ITPR3: variants seen among roughly 807,000 people sequenced by gnomAD.
ITPR3 encodes the protein inositol 1,4,5-trisphosphate receptor type 3, also known as inositol 1,4,5-trisphosphate-gated calcium channel ITPR3.
A neutral mutation model predicts 293.2 loss-of-function variants in ITPR3; 173 were observed. The ratio of observed to expected loss-of-function variants is 0.59; its 90% CI spans 0.52 to 0.67. The LOEUF (loss-of-function observed/expected upper bound fraction) is 0.67, where lower values mean the gene tolerates loss of function less well. Among genes scored for constraint, ITPR3 ranks in the 30% least tolerant of loss-of-function variants. ITPR3 has a pLI of 0.00. For synonymous variants in ITPR3, 1,295 were observed against 1,444.4 expected (o/e 0.90, Z 2.35); for missense variants, 2,796 against 3,592.1 (o/e 0.78, Z 5.66).
intron 42 of ITPR3, 73 bp from the exon 43 acceptor site, chr6:33,686,336 G>A: frequency 6.3e-7 from 1 of 1,594,792 alleles, no homozygotes; most frequent in Non-Finnish European, 8.6e-7. Flanking sequence ...GGCAGGGAGA[G>A]AGGCTGAGGT....
In ITPR3 at chr6:33,683,533, T is replaced by C; in HGVS notation, c.4788+136T>C. ...CACTTCCAGGAAGGGGCTGGTTGGC[T>C]TCTCTACACTCTGGGGCTGCTAAGG... On this transcript the variant is annotated intron_variant, in intron 35 of 57. Transcript: ENST00000605930. This position sits in a 1 kb window ranked among gnomAD's most constrained non-coding sequence, Gnocchi z 4.5. 2 of 777,054 alleles carry C rather than the reference T, an allele frequency of 2.6e-6. No individual in the cohort carries two copies. Among genetic ancestry groups the C allele is most frequent in the South Asian group, 4.4e-5 (2 of 44,972 alleles). 48.1% of individuals were successfully genotyped at this position (777,054 alleles called of 1,614,324 possible).
chr6:33,692,996 GC>G lies in ITPR3; in HGVS notation c.7624+106del. The G allele has an allele frequency of 8.4e-7, 1 of 1,186,558 alleles. No homozygotes were observed. 73.5% of individuals were successfully genotyped at this position (1,186,558 alleles called of 1,614,324 possible). A position where few individuals can be genotyped will look rare whatever the true frequency, so the allele number is the denominator to read the frequency against. The stretch of plus-strand genomic sequence containing the variant: ...GCCCTTCCTGCCCTGGGGAACCCTG[GC>G]CCGGAGCTGATGACTTGATGCATTT... On this transcript the variant is annotated intron_variant, in intron 55 of 57. Coordinates refer to ENST00000605930, the MANE Select transcript of ITPR3 (RefSeq NM_002224.4). The surrounding 1 kb of genome is among the most constrained non-coding windows in gnomAD (Gnocchi z 4.2).
At position 33,683,221 on chromosome 6, in the gene ITPR3, A is replaced by G; in HGVS notation, c.4612A>G (p.Ile1538Val). Residue 1538 changes from isoleucine to valine, a missense_variant, in exon 35 of 58, where the codon ATC becomes GTC. Physicochemically the swap from Ile to Val is conservative, Grantham distance 29. Around this residue, in one of 8 missense-constraint regions of ITPR3, gnomAD observed 704 missense variants for 797.5 expected, o/e 0.88. Coordinates refer to ENST00000605930, the MANE Select transcript of ITPR3 (RefSeq NM_002224.4). The surrounding 1 kb of genome is among the most constrained non-coding windows in gnomAD (Gnocchi z 4.5). ...TLAMVAKGRAILLPMDLDAHI... is the reference protein window; with the variant it reads ...TLAMVAKGRAVLLPMDLDAHI... ...TTCCCACCCAGCCAAGGGCCGGGCC[A>G]TCTTGCTGCCCATGGACCTGGATGC... 1 of 1,536,406 alleles carries G rather than the reference A, an allele frequency of 6.5e-7. No homozygotes were observed. The highest frequency in any genetic ancestry group is 1.2e-5 in the South Asian group (1 of 82,090).
Position 33,655,754 on chromosome 6 carries a change from G to T in ITPR3, c.161-12G>T. 6.2e-7 allele frequency: 1 copy of T among 1,613,894 alleles called. No individual in the cohort carries two copies. Among genetic ancestry groups the T allele is most frequent in the Non-Finnish European group, 8.5e-7 (1 of 1,179,918 alleles). Reference sequence around the variant, plus strand: ...GAATCATTCCCCTCACCCCCAACCTGCCCCACCACAGACTGCCTCTTCAAG... The same window carrying T: ...GAATCATTCCCCTCACCCCCAACCTTCCCCACCACAGACTGCCTCTTCAAG... On this transcript the variant is annotated splice_polypyrimidine_tract_variant and intron_variant, in intron 2 of 57. Transcript: ENST00000605930. This position sits in a 1 kb window ranked among gnomAD's most constrained non-coding sequence, Gnocchi z 4.9.
intron 2 of ITPR3, among the ~76,000 whole-genome samples, chr6:33,643,800 G>A (rs1446828341): frequency 6.6e-6 from 1 of 152,138 alleles, no homozygotes; most frequent in Non-Finnish European, 1.5e-5. Flanking sequence ...ATGACTGGAT[G>A]CCCCCTTCCC....
At position 33,662,695 on chromosome 6, in the gene ITPR3, G is replaced by A. The variant is rs2296340; in HGVS notation, c.858+21G>A. The A allele has an allele frequency of 0.11, 170,347 of 1,602,502 alleles. 10,029 individuals carry two copies. The highest frequency in any genetic ancestry group is 0.12 in the Non-Finnish European group (142,413 of 1,179,478). ...TGGAGGTCAGAAAAGCCCTGCTTCT[G>A]GCACCCCGGACTCAGCCTTGGATGC... On this transcript the variant is annotated intron_variant, in intron 8 of 57. Transcript: ENST00000605930.
intron 1 of ITPR3, among the ~76,000 whole-genome samples, chr6:33,628,698 T>C (rs1177572148): frequency 6.6e-6 from 1 of 152,122 alleles, no homozygotes. Flanking sequence ...GAGGCTTCAG[T>C]GAGGGAGTAA....
intron 28 of ITPR3, 92 bp downstream of exon 28, chr6:33,677,721 C>T: frequency 6.7e-7 from 1 of 1,487,992 alleles, no homozygotes; most frequent in African/African-American, 1.4e-5. Flanking sequence ...CAGGCAACCT[C>T]TCCCAGCCTC....
At chr6:33,634,428 A>G (rs955558695) in intron 1 of ITPR3, among the ~76,000 whole-genome samples, 1 of 151,904 alleles carries the variant, frequency 6.6e-6, no homozygotes, top group Non-Finnish European at 1.5e-5. Flanking sequence ...CTGCCTCCCA[A>G]GTCCTCACTC....
intron 2 of ITPR3, among the ~76,000 whole-genome samples, chr6:33,644,871 C>A (rs867695362): frequency 2.6e-5 from 4 of 151,412 alleles, no homozygotes; most frequent in East Asian, 2.0e-4. Context: ...ATCATGTTGG[C>A]CAGGCTGGTC....
rs1025509918 is a variant in ITPR3, at chr6:33,672,448, G to C, written c.2928+220G>C. 2.0e-5 allele frequency among the ~76,000 whole-genome samples: 3 copies of C among 152,188 alleles called. No individual in the cohort carries two copies. The highest frequency in any genetic ancestry group is 7.2e-5 in the African/African-American group (3 of 41,430). ...AAGTGCACATTCTCGGTTGTGCGCA[G>C]TGACTCACGCCTGTAATCCCAGTGC... On this transcript the variant is annotated intron_variant, in intron 22 of 57. Transcript: ENST00000605930. The surrounding 1 kb of genome is among the most constrained non-coding windows in gnomAD (Gnocchi z 5.0).
rs1441619777 is a variant in ITPR3 at position 33,658,899 on chromosome 6, G to A, written c.528+71G>A. On this transcript the variant is annotated intron_variant, in intron 5 of 57. Coordinates refer to ENST00000605930, the MANE Select transcript of ITPR3 (RefSeq NM_002224.4). This position sits in a 1 kb window ranked among gnomAD's most constrained non-coding sequence, Gnocchi z 6.1. ...GGGCTTCTGTAGGGTCTTCGGTGTG[G>A]GGACTGGATAAGGGCATGCCCATTT... 2 of 1,603,292 alleles carry A rather than the reference G, an allele frequency of 1.2e-6. No individual in the cohort carries two copies. The highest frequency in any genetic ancestry group is 1.7e-6 in the Non-Finnish European group (2 of 1,172,424).
At position 33,678,482 on chromosome 6, in the gene ITPR3, C is replaced by G; in HGVS notation, c.3710C>G (p.Ala1237Gly). ...CACCAGTTCCTGCAGAAGTTCTGTG[C>G]AGGGAACCCCGGCAACCAGGCCCTG... Reference protein sequence around the residue: ...YTHQFLQKFCAGNPGNQALLH... With the variant: ...YTHQFLQKFCGGNPGNQALLH... The change falls in exon 29 of 58, where the codon GCA becomes GGA. Residue 1237 changes from alanine to glycine, a missense_variant. Physicochemically the swap from Ala to Gly is moderately conservative, Grantham distance 60. This residue lies in a region of ITPR3 where 344 missense variants were observed against 460.3 expected (regional missense o/e 0.75). Transcript: ENST00000605930. The G allele has an allele frequency of 6.2e-7, 1 of 1,613,642 alleles. No homozygotes were observed. The highest frequency in any genetic ancestry group is 8.5e-7 in the Non-Finnish European group (1 of 1,180,020).
intron 1 of ITPR3, among the ~76,000 whole-genome samples, chr6:33,634,891 G>A (rs574179267): frequency 2.0e-5 from 3 of 152,174 alleles, no homozygotes; most frequent in South Asian, 4.2e-4. Context: ...CCTCAGACAG[G>A]GACCCTCTGA....
intron 1 of ITPR3, among the ~76,000 whole-genome samples, chr6:33,627,267 T>C (rs1296552564): frequency 6.6e-6 from 1 of 152,134 alleles, no homozygotes; most frequent in Non-Finnish European, 1.5e-5. Flanking sequence ...ATGGAGAAAA[T>C]GTGAAAAACT....
In ITPR3 at chr6:33,678,632, A is replaced by AC. The variant is rs1289621007; in HGVS notation, c.3772-6dup. The AC allele has an allele frequency of 6.2e-7, 1 of 1,610,308 alleles. No individual in the cohort carries two copies. The highest frequency in any genetic ancestry group is 8.5e-7 in the Non-Finnish European group (1 of 1,178,860). On this transcript the variant is annotated splice_polypyrimidine_tract_variant and splice_region_variant and intron_variant, in intron 29 of 57. Transcript: ENST00000605930. ...GATCTCTTTCTGACAGATGCCCCCC[A>AC]CTGCAGCTCCTGGAGGCAGAGACCA...
intron 1 of ITPR3, among the ~76,000 whole-genome samples, chr6:33,625,233 CTT>C (rs1022926655): frequency 4.1e-5 from 6 of 145,720 alleles, no homozygotes; most frequent in Non-Finnish European, 4.6e-5. Context: ...TTGAAGATCT[CTT>C]TTTTTTTTTT....
intron 56 of ITPR3, 88 bp from the exon 57 acceptor site, chr6:33,694,836 G>A: frequency 6.5e-7 from 1 of 1,531,732 alleles, no homozygotes; most frequent in Non-Finnish European, 9.0e-7. Context: ...GGGTGTGGCA[G>A]AAGCCTCCCC....
Position 33,695,045 on chromosome 6 carries a change from T to C in ITPR3, c.7907T>C (p.Val2636Ala), listed in dbSNP as rs1765503446. 1 of 1,614,062 alleles carries C rather than the reference T, an allele frequency of 6.2e-7. No individual in the cohort carries two copies. Among genetic ancestry groups the C allele is most frequent in the Non-Finnish European group, 8.5e-7 (1 of 1,180,018 alleles). ...QDKLNSTMKL[V>A]SHLTAQLNEL... Reference sequence around the variant, plus strand: ...AAGCTCAACTCCACCATGAAGCTGGTGTCCCACCTCACTGCCCAGCTCAAC... The same window carrying C: ...AAGCTCAACTCCACCATGAAGCTGGCGTCCCACCTCACTGCCCAGCTCAAC... The change falls in exon 57 of 58, where the codon GTG becomes GCG. Residue 2636 changes from valine (V) to alanine (A), a missense_variant. By Grantham distance (64) the Val-to-Ala change is moderately conservative (BLOSUM62 0). Transcript: ENST00000605930.
Sources: allele counts gnomAD v4.1 joint callset (sites outside exome capture counted in the v4.1 genomes callset), GRCh38; gene constraint gnomAD v4.1.1; regional missense constraint gnomAD v4.1.1; non-coding constraint Gnocchi (gnomAD v3.1); transcripts MANE v1.5; gene names NCBI Gene and HGNC (gene_info 2026-07-23, HGNC 2026-07-21).